The following ANKRD36C variants were observed in gnomAD, a reference collection of about 807,000 sequenced individuals.
ANKRD36C encodes the protein ankyrin repeat domain-containing protein 36C.
ANKRD36C carries 61 observed loss-of-function variants against 276.4 expected under a neutral mutation model. The observed-to-expected ratio is 0.22, with a 90% CI of 0.18 to 0.27. The LOEUF is 0.27. ANKRD36C is among the 10% of genes least tolerant of loss of function. ANKRD36C has a pLI of 1.00. For missense variants in ANKRD36C, 1,447 were observed against 2,032.3 expected (o/e 0.71, Z 5.54); for synonymous variants, 483 against 680.1 (o/e 0.71, Z 4.51).
intron 36 of ANKRD36C, among the ~76,000 whole-genome samples, chr2:95,917,018 G>C (rs544727381): frequency 6.6e-6 from 1 of 151,684 alleles, no homozygotes; most frequent in South Asian, 2.1e-4. Flanking sequence ...TTCTAAAATA[G>C]CCTTGTTGGG....
chr2:95,963,058 G>A (rs1275238505), intron 6 of ANKRD36C, among the ~76,000 whole-genome samples: 2 of 152,066 alleles, frequency 1.3e-5, no homozygotes, highest in Admixed American at 1.3e-4. Context: ...CTCCTCAGTG[G>A]AAGTGTCCTA....
At chr2:95,894,665 C>T (rs72823940) in intron 44 of ANKRD36C, among the ~76,000 whole-genome samples, 3,518 of 151,386 alleles carry the variant, frequency 0.023, 73 homozygotes, top group Middle Eastern at 0.041. Context: ...AGGAAGCCAA[C>T]GTATTCATAT....
At chr2:95,963,997 ATATATATATATATATATG>A (rs1558658770) in intron 6 of ANKRD36C, among the ~76,000 whole-genome samples, 289 of 25,944 alleles carry the variant, frequency 0.011, 2 homozygotes, top group Non-Finnish European at 0.011. Context: ...ATATATATAT[ATATATATATATATATATG>A]TGTGTGTGTG....
chr2:95,855,973 C>A (rs773697509), exon 63 of ANKRD36C: 213 of 1,612,904 alleles, frequency 1.3e-4, no homozygotes, highest in Non-Finnish European at 1.7e-4. Flanking sequence ...CTATAACAGG[C>A]TATCGTTTCT....
intron 58 of ANKRD36C, among the ~76,000 whole-genome samples, chr2:95,879,862 A>G (rs939122430): frequency 6.8e-5 from 10 of 146,230 alleles, no homozygotes; most frequent in Non-Finnish European, 1.0e-4. Flanking sequence ...ATCAAAATGT[A>G]AAAGTAGAAA....
intron 3 of ANKRD36C, among the ~76,000 whole-genome samples, chr2:95,983,741 C>T (rs1458770006): frequency 6.6e-6 from 1 of 151,546 alleles, no homozygotes; most frequent in Admixed American, 6.6e-5. Flanking sequence ...CTCAGCCTCC[C>T]GAGTAGCTGG....
chr2:95,977,009 A>G (rs960618676), intron 6 of ANKRD36C, among the ~76,000 whole-genome samples: 1 of 151,842 alleles, frequency 6.6e-6, no homozygotes, highest in African/African-American at 2.4e-5. Context: ...CTCATTCTAC[A>G]TCTGCATCAT....
chr2:95,866,538 C>T (rs548377577), intron 60 of ANKRD36C, among the ~76,000 whole-genome samples: 47 of 152,008 alleles, frequency 3.1e-4, no homozygotes, highest in Non-Finnish European at 6.3e-4. Flanking sequence ...AGATGCTCAA[C>T]ATTTTAGTCA....
At chr2:95,875,212 T>C (rs893087411) in intron 59 of ANKRD36C, among the ~76,000 whole-genome samples, 2 of 152,104 alleles carry the variant, frequency 1.3e-5, no homozygotes, top group Non-Finnish European at 2.9e-5. Context: ...ATCATGCTGC[T>C]ATAAAGACAC....
At position 95,880,731 on chromosome 2, in the gene ANKRD36C, T is replaced by C. The variant is rs190017895; in HGVS notation, c.3368-108A>G. 13 of 1,353,174 alleles carry C rather than the reference T, an allele frequency of 9.6e-6. No individual in the cohort carries two copies. In the African/African-American group the frequency reaches 1.8e-4, roughly 18 times the overall value. 83.8% of individuals were successfully genotyped at this position (1,353,174 alleles called of 1,614,324 possible). On this transcript the variant is annotated intron_variant, in intron 56 of 66. Coordinates refer to ENST00000456556, the Ensembl canonical transcript of ANKRD36C. Reference sequence around the variant, plus strand: ...CTGAATACTCTTGCCTGTATTAGTGTAGGGTTTCATGTTTTTCTAGTTTGT... The same window carrying C: ...CTGAATACTCTTGCCTGTATTAGTGCAGGGTTTCATGTTTTTCTAGTTTGT...
chr2:95,910,413 A>C (rs1026034454), intron 42 of ANKRD36C: 1 of 1,555,712 alleles, frequency 6.4e-7, no homozygotes, highest in Non-Finnish European at 8.7e-7. Context: ...CTCTGGCTAT[A>C]CTCAAAACAG....
chr2:95,891,611 G>C (rs1250448392), intron 46 of ANKRD36C, 54 bp downstream of exon 66: 3 of 1,523,764 alleles, frequency 2.0e-6, no homozygotes, highest in East Asian at 4.9e-5. Flanking sequence ...TCAGGGAAGA[G>C]AATTTCTTAT....
At chr2:95,962,268 A>G (rs1318226557) in intron 8 of ANKRD36C, 84 bp downstream of exon 8, 2 of 1,438,494 alleles carry the variant, frequency 1.4e-6, no homozygotes, top group Non-Finnish European at 1.9e-6. Context: ...TGCAGATTCA[A>G]TGAGCTCCCT....
downstream of ANKRD36C, among the ~76,000 whole-genome samples, chr2:95,850,783 C>T (rs1675275691): frequency 6.6e-6 from 1 of 152,180 alleles, no homozygotes; most frequent in Admixed American, 6.5e-5. Context: ...TAATTATTAT[C>T]ACGAGTGTGG....
At chr2:95,986,559 T>A (rs1679029359) in intron 3 of ANKRD36C, 192 bp downstream of exon 3, 1 of 711,188 alleles carries the variant, frequency 1.4e-6, no homozygotes, top group East Asian at 2.9e-5. Flanking sequence ...GCATGAAAAA[T>A]AGCTGTTCCT....
At chr2:95,963,751 G>T (rs1412408410) in intron 6 of ANKRD36C, among the ~76,000 whole-genome samples, 49 of 107,058 alleles carry the variant, frequency 4.6e-4, no homozygotes, top group Admixed American at 3.3e-4. Flanking sequence ...ACTCATGAAG[G>T]CTCCTAATAT....
At chr2:95,966,631 G>C (rs143312108) in intron 6 of ANKRD36C, among the ~76,000 whole-genome samples, 4,109 of 152,216 alleles carry the variant, frequency 0.027, 185 homozygotes, top group African/African-American at 0.094. Flanking sequence ...GCTTAGGATT[G>C]TCTTGGCTAT....
intron 60 of ANKRD36C, among the ~76,000 whole-genome samples, chr2:95,865,723 C>T (rs181781866): frequency 1.3e-5 from 2 of 152,114 alleles, no homozygotes; most frequent in Admixed American, 6.6e-5. Flanking sequence ...AGAATTTTTC[C>T]ACTGTGGTGT....
chr2:95,862,532 T>C (rs916213903), intron 60 of ANKRD36C, among the ~76,000 whole-genome samples: 3 of 151,648 alleles, frequency 2.0e-5, no homozygotes, highest in African/African-American at 4.8e-5. Context: ...GCTACAGCTG[T>C]ACTTGAATAC....
Sources: allele counts gnomAD v4.1 joint callset (sites outside exome capture counted in the v4.1 genomes callset), GRCh38; gene constraint gnomAD v4.1.1; transcripts MANE v1.5; gene names NCBI Gene and HGNC (gene_info 2026-07-23, HGNC 2026-07-21).